The following COL23A1 variants were observed in gnomAD, a reference collection of about 807,000 sequenced individuals.
COL23A1 encodes the protein collagen alpha-1(XXIII) chain.
In COL23A1, 97 loss-of-function variants were observed where a neutral mutation model predicts 99.3. The observed-to-expected ratio is 0.98, with a 90% confidence interval of 0.83 to 1.16. The LOEUF is 1.16. COL23A1 is among the 50% of genes most tolerant of loss of function. The probability of loss-of-function intolerance (pLI) is 0.00; values close to 1 mark genes in which losing one functional copy is unlikely to be tolerated. For missense variants in COL23A1, 762 were observed against 757.4 expected, an observed-to-expected ratio of 1.01 and a Z score of -0.07; for synonymous variants, 320 against 308.2, an observed-to-expected ratio of 1.04 and a Z score of -0.40.
At chr5:178,412,762 T>C (rs1461388633) in intron 2 of COL23A1, among the ~76,000 whole-genome samples, 1 of 152,254 alleles carries the variant, frequency 6.6e-6, no homozygotes, top group African/African-American at 2.4e-5. Flanking sequence ...TGTCTCAATA[T>C]ATTTCATTGA....
rs1439222682 is a variant in COL23A1, at chr5:178,358,403, ATGTGTGTATGTGTATG to A, written c.362-51500_362-51485del. On this transcript the variant is annotated intron_variant, in intron 2 of 28. Transcript: ENST00000390654. ...GTCTAATGTGTGTATGTGTATGTGTATGTGTGTATGTGTATGTGTGTGTATGTGTATGTGTGTATGT... is the reference window on the plus strand; with the variant it reads ...GTCTAATGTGTGTATGTGTATGTGTATGTGTGTATGTGTATGTGTGTATGT... Among the ~76,000 whole-genome samples the A allele has an allele frequency of 7.5e-5, 8 of 106,318 alleles. No homozygotes were observed. In the East Asian group the frequency reaches 8.4e-4, roughly 11 times the overall value. 69.7% of individuals were successfully genotyped at this position (106,318 alleles called of 152,430 possible).
At chr5:178,501,321 G>A (rs904296095) in intron 2 of COL23A1, among the ~76,000 whole-genome samples, 3 of 152,148 alleles carry the variant, frequency 2.0e-5, no homozygotes, top group African/African-American at 4.8e-5. Flanking sequence ...AGTGGCTCAC[G>A]CCTGTAATCC....
At chr5:178,425,035 T>G (rs1180057447) in intron 2 of COL23A1, among the ~76,000 whole-genome samples, 2 of 152,206 alleles carry the variant, frequency 1.3e-5, no homozygotes, top group Non-Finnish European at 2.9e-5. Flanking sequence ...TGACATGCCT[T>G]GGGGCATAGA....
intron 4 of COL23A1, among the ~76,000 whole-genome samples, chr5:178,289,957 C>CAG (rs1331112989): frequency 6.6e-6 from 1 of 152,194 alleles, no homozygotes; most frequent in Non-Finnish European, 1.5e-5. Flanking sequence ...GACGGGGTCT[C>CAG]ATTCTGTCTG....
At chr5:178,534,754 G>C (rs1458974249) in intron 2 of COL23A1, among the ~76,000 whole-genome samples, 4 of 151,992 alleles carry the variant, frequency 2.6e-5, no homozygotes, top group Non-Finnish European at 5.9e-5. Flanking sequence ...ACTCCAGCCT[G>C]GGCGACAGAG....
intron 2 of COL23A1, among the ~76,000 whole-genome samples, chr5:178,321,480 CTTTTTT>C (rs570803192): frequency 9.2e-6 from 1 of 109,038 alleles, no homozygotes; most frequent in Admixed American, 9.8e-5. Context: ...GTCACCTTCC[CTTTTTT>C]TTTTTTTTTT....
intron 2 of COL23A1, among the ~76,000 whole-genome samples, chr5:178,530,652 C>A (rs1760594572): frequency 1.3e-5 from 2 of 152,218 alleles, no homozygotes; most frequent in Middle Eastern, 3.4e-3. Flanking sequence ...GGCCAAGCAG[C>A]CAGACCAAAG....
intron 1 of COL23A1, among the ~76,000 whole-genome samples, chr5:178,567,884 AAAT>A (rs1352666132): frequency 1.3e-5 from 2 of 152,246 alleles, no homozygotes; most frequent in Non-Finnish European, 2.9e-5. Context: ...ACAGAATTCC[AAAT>A]AATATATGTA....
At chr5:178,254,417 C>A (rs997995936) in intron 16 of COL23A1, among the ~76,000 whole-genome samples, 1 of 152,202 alleles carries the variant, frequency 6.6e-6, no homozygotes, top group African/African-American at 2.4e-5. Context: ...CCAGTCTGGT[C>A]TCTGGTGACC....
intron 2 of COL23A1, among the ~76,000 whole-genome samples, chr5:178,316,566 CACTT>C (rs1017067424): frequency 1.3e-5 from 2 of 152,136 alleles, no homozygotes; most frequent in Non-Finnish European, 2.9e-5. Context: ...CGATTTTTTT[CACTT>C]ACTAAGAGAA....
intron 2 of COL23A1, among the ~76,000 whole-genome samples, chr5:178,514,756 A>G (rs1302806812): frequency 6.6e-6 from 1 of 152,232 alleles, no homozygotes; most frequent in Non-Finnish European, 1.5e-5. Flanking sequence ...GTATGGGAGG[A>G]AAAATACCAC....
chr5:178,562,175 G>C, intron 1 of COL23A1: 1 of 472,280 alleles, frequency 2.1e-6, no homozygotes, highest in Non-Finnish European at 4.2e-6. Context: ...GCGAGAGGCG[G>C]AGGTTGCAGT....
At chr5:178,481,343 T>C (rs1757328218) in intron 2 of COL23A1, among the ~76,000 whole-genome samples, 1 of 151,928 alleles carries the variant, frequency 6.6e-6, no homozygotes, top group Admixed American at 6.6e-5. Context: ...TTCTTGGATA[T>C]GACACACAGC....
At chr5:178,288,779 T>C (rs181687878) in intron 4 of COL23A1, among the ~76,000 whole-genome samples, 64 of 149,658 alleles carry the variant, frequency 4.3e-4, no homozygotes, top group African/African-American at 1.5e-3. Flanking sequence ...AAAGAGAGCC[T>C]TAGAAGCCAG....
Position 178,304,929 on chromosome 5 carries a change from A to C in COL23A1, c.406+1946T>G, listed in dbSNP as rs543310283. Among the ~76,000 whole-genome samples, 4 of 152,354 alleles carry C rather than the reference A, an allele frequency of 2.6e-5. No individual in the cohort carries two copies. The South Asian group carries it at 8.3e-4, about 32-fold the overall frequency. On this transcript the variant is annotated intron_variant, in intron 3 of 28. Coordinates refer to ENST00000390654, the MANE Select transcript of COL23A1 (RefSeq NM_173465.4). ...ACGGGGCCACGGACCCAGTGAGTCT[A>C]TCTTTCCTTGACTTTGAGGTTGTTT...
intron 6 of COL23A1, among the ~76,000 whole-genome samples, chr5:178,269,591 A>AATCCATCCTTCC (rs1554129138): frequency 4.4e-5 from 4 of 90,702 alleles, no homozygotes; most frequent in South Asian, 5.6e-4. Context: ...CTCATCCATC[A>AATCCATCCTTCC]ATCCATCCAT....
intron 2 of COL23A1, among the ~76,000 whole-genome samples, chr5:178,371,256 T>A (rs1762785585): frequency 6.6e-6 from 1 of 152,168 alleles, no homozygotes; most frequent in African/African-American, 2.4e-5. Flanking sequence ...CATCCAAATA[T>A]CTCCACTTCC....
chr5:178,456,524 G>C (rs923626095), intron 2 of COL23A1, among the ~76,000 whole-genome samples: 21 of 151,988 alleles, frequency 1.4e-4, no homozygotes, highest in Admixed American at 1.4e-3. Context: ...CATGCAGAAA[G>C]CCCGTCTCTA....
intron 2 of COL23A1, among the ~76,000 whole-genome samples, chr5:178,502,321 CG>C (rs1758600625): frequency 6.6e-6 from 1 of 152,074 alleles, no homozygotes; most frequent in African/African-American, 2.4e-5. Context: ...TTAGTAGAGA[CG>C]GGGTTTCACC....
Sources: allele counts gnomAD v4.1 joint callset (sites outside exome capture counted in the v4.1 genomes callset), GRCh38; gene constraint gnomAD v4.1.1; transcripts MANE v1.5; gene names NCBI Gene and HGNC (gene_info 2026-07-23, HGNC 2026-07-21).